The following SYMPK variants were observed in gnomAD, a reference collection of about 807,000 sequenced individuals.
The protein encoded by SYMPK is symplekin scaffold protein, also known as symplekin.
Under a neutral mutation model 136.4 loss-of-function variants are expected in SYMPK, and 49 were observed. That is an observed-to-expected ratio of 0.36 (90% CI 0.29 to 0.46). The LOEUF is 0.46. Ranked by LOEUF, SYMPK falls within the 20% of genes least tolerant of loss-of-function variation. The pLI is 1.00. For missense variants in SYMPK, 1,365 were observed against 1,690.0 expected (o/e 0.81, Z 3.37); for synonymous variants, 766 against 713.0 (o/e 1.07, Z -1.19).
Position 45,835,067 on chromosome 19 carries a change from G to A in SYMPK, c.1393+11C>T. 1.9e-6 allele frequency: 3 copies of A among 1,579,582 alleles called. No homozygotes were observed. Among genetic ancestry groups the A allele is most frequent in the Non-Finnish European group, 8.6e-7 (1 of 1,162,510 alleles). ...AATCCCTGGCCCAGGTTAGGGCCAG[G>A]ACACACTCACCTGGTCCCAGTCCGG... On this transcript the variant is annotated intron_variant, in intron 11 of 26. Coordinates refer to ENST00000245934, the MANE Select transcript of SYMPK (RefSeq NM_004819.3).
chr19:45,852,130 T>C (rs1030638912), intron 5 of SYMPK, among the ~76,000 whole-genome samples, 182 bp downstream of exon 5: 2 of 152,106 alleles, frequency 1.3e-5, no homozygotes, highest in South Asian at 4.1e-4. Flanking sequence ...AGCAGAGGAA[T>C]CACAGATGAC....
chr19:45,848,035 C>T, intron 6 of SYMPK, 34 bp from the exon 7 acceptor site: 1 of 1,548,736 alleles, frequency 6.5e-7, no homozygotes, highest in Non-Finnish European at 8.8e-7. Context: ...GGAAGAGACA[C>T]ACAAAGAGGT....
At chr19:45,829,293 G>T in intron 13 of SYMPK, 88 bp from the exon 14 acceptor site, 1 of 1,155,750 alleles carries the variant, frequency 8.7e-7, no homozygotes, top group Non-Finnish European at 1.3e-6. Flanking sequence ...CCACCCAGAC[G>T]CAGGAACTCT....
intron 9 of SYMPK, among the ~76,000 whole-genome samples, chr19:45,838,933 C>G (rs1252937758): frequency 6.6e-6 from 1 of 152,232 alleles, no homozygotes; most frequent in Non-Finnish European, 1.5e-5. Context: ...GTCACCGAGG[C>G]TGCAGTACAA....
chr19:45,827,370 C>G (rs1971066359), intron 16 of SYMPK, 140 bp downstream of exon 16: 1 of 644,042 alleles, frequency 1.6e-6, no homozygotes, highest in African/African-American at 1.8e-5. Flanking sequence ...ACAGAAATAG[C>G]CAAAAAACCA....
chr19:45,855,209 G>C (rs1971794109), intron 1 of SYMPK: 1 of 152,402 alleles, frequency 6.6e-6, no homozygotes, highest in Non-Finnish European at 1.5e-5. Context: ...CAGCTCTGAG[G>C]AATATCAGGC....
At chr19:45,823,705 G>C (rs886146709) in intron 19 of SYMPK, 62 bp downstream of exon 19, 7 of 1,468,782 alleles carry the variant, frequency 4.8e-6, no homozygotes, top group Non-Finnish European at 6.6e-6. Context: ...CAGATCCCCA[G>C]GGCCCGGGGA....
chr19:45,816,802 TG>T lies in SYMPK; in HGVS notation c.3253del (p.His1085ThrfsTer11), dbSNP rs749354800. On this transcript the variant is annotated frameshift_variant, in exon 24 of 27. Coordinates refer to ENST00000245934, the MANE Select transcript of SYMPK (RefSeq NM_004819.3). LOFTEE classifies it high-confidence loss of function. ...LLAHVRSFTP[H>X]QQAHIPNSIM... ...CCTGGTGGGGGGAAGGGGTACCTGGTGGGGGGTGAAGGAGCGGACATGGGCC... is the reference window on the plus strand; with the variant it reads ...CCTGGTGGGGGGAAGGGGTACCTGGTGGGGGTGAAGGAGCGGACATGGGCC... 2 of 1,528,466 alleles carry T rather than the reference TG, an allele frequency of 1.3e-6. No individual in the cohort carries two copies. Among genetic ancestry groups the T allele is most frequent in the Non-Finnish European group, 1.8e-6 (2 of 1,136,920 alleles). The allele number at this position is 1,528,466 out of a possible 1,614,324, so 94.7% of individuals were successfully genotyped here.
chr19:45,840,410 T>C (rs1971407764), intron 9 of SYMPK, among the ~76,000 whole-genome samples: 1 of 147,776 alleles, frequency 6.8e-6, no homozygotes, highest in South Asian at 2.2e-4. Context: ...ACGCCTGTAA[T>C]CTCAACACTT....
At chr19:45,819,000 T>TA (rs1352559646) in intron 22 of SYMPK, 2 of 49,514 alleles carry the variant, frequency 4.0e-5, no homozygotes, top group Non-Finnish European at 1.0e-4. Flanking sequence ...GTGGGGTCTC[T>TA]AAGGGGGGGG....
chr19:45,823,585 C>T (rs947380687), intron 19 of SYMPK, 113 bp from the exon 20 acceptor site: 2 of 1,086,406 alleles, frequency 1.8e-6, no homozygotes, highest in Non-Finnish European at 2.8e-6. Context: ...GCAACTTCAC[C>T]CTTGGCTGCT....
chr19:45,822,824 G>A lies in SYMPK; in HGVS notation c.2723C>T (p.Pro908Leu). 1 of 1,614,064 alleles carries A rather than the reference G, an allele frequency of 6.2e-7. No individual in the cohort carries two copies. Among genetic ancestry groups the A allele is most frequent in the South Asian group, 1.1e-5 (1 of 91,080 alleles). Residue 908 changes from proline (P) to leucine (L), a missense_variant, in exon 21 of 27, where the codon CCT (proline) becomes CTT (leucine). Physicochemically the swap from Pro to Leu is moderately conservative, Grantham distance 98. Coordinates refer to ENST00000245934, the MANE Select transcript of SYMPK (RefSeq NM_004819.3). The stretch of plus-strand genomic sequence containing the variant: ...GATGGGGTTGAGTTTGATGAGTTTA[G>A]GCAGGGCCTGGATCACCTCTTTCTA... The part of the protein sequence containing the change: ...LEKKEVIQAL[P>L]KLIKLNPIVV...
rs1051366394 is a variant in SYMPK at position 45,821,794 on chromosome 19, C to T, written c.2792-309G>A. Among the ~76,000 whole-genome samples the T allele has an allele frequency of 3.9e-5, 6 of 152,182 alleles. No individual in the cohort carries two copies. Among genetic ancestry groups the T allele is most frequent in the Non-Finnish European group, 8.8e-5 (6 of 68,016 alleles). On this transcript the variant is annotated intron_variant, in intron 21 of 26. Coordinates refer to ENST00000245934, the MANE Select transcript of SYMPK (RefSeq NM_004819.3). The surrounding 1 kb of genome is among the most constrained non-coding windows in gnomAD (Gnocchi z 4.4). Reference sequence around the variant, plus strand: ...CCCGAGGGCAGGGTAGGACCACCTCCTCGTGTGGTCCCCAACACAGACTCC... The same window carrying T: ...CCCGAGGGCAGGGTAGGACCACCTCTTCGTGTGGTCCCCAACACAGACTCC...
Position 45,847,833 on chromosome 19 carries a change from C to T in SYMPK, c.595G>A (p.Ala199Thr). Residue 199 changes from alanine to threonine, a missense_variant, in exon 7 of 27, where the codon GCT becomes ACT. This residue lies in a region of SYMPK where 237 missense variants were observed against 292.9 expected (regional missense o/e 0.81). Coordinates refer to ENST00000245934, the MANE Select transcript of SYMPK (RefSeq NM_004819.3). ...TGGCGTCGGGGTATCTCTGAGTCAG[C>T]CATGCGGGGTGACAGGGTGACAATG... is the stretch of plus-strand genomic sequence containing the variant. Reference protein sequence around the residue: ...GLIVTLSPRMADSEIPRRQEH... With the variant: ...GLIVTLSPRMTDSEIPRRQEH... The T allele has an allele frequency of 6.2e-7, 1 of 1,614,030 alleles. No homozygotes were observed.
chr19:45,857,414 A>C (rs150579818), intron 1 of SYMPK, among the ~76,000 whole-genome samples: 18,182 of 143,958 alleles, frequency 0.13, 1,294 homozygotes, highest in Admixed American at 0.16. Flanking sequence ...TGTCTCAAAA[A>C]AAAAAAAAAA....
In SYMPK at chr19:45,829,071, G is replaced by A. The variant is rs756221928; in HGVS notation, c.1884C>T (p.Asn628=). 6.5e-5 allele frequency: 105 copies of A among 1,614,072 alleles called. No homozygotes were observed. The highest frequency in any genetic ancestry group is 8.5e-5 in the Non-Finnish European group (100 of 1,180,042). ...LAFAWLYQEY[N]AYLAAGASGS... Reference sequence around the variant, plus strand: ...CCGAGGCACCTGCGGCCAGGTAGGCGTTGTACTCCTGGTAGAGCCAGGCGA... The same window carrying A: ...CCGAGGCACCTGCGGCCAGGTAGGCATTGTACTCCTGGTAGAGCCAGGCGA... Residue 628 remains asparagine, a synonymous_variant, in exon 14 of 27, where the codon AAC becomes AAT. Coordinates refer to ENST00000245934, the MANE Select transcript of SYMPK (RefSeq NM_004819.3).
chr19:45,852,469 G>C lies in SYMPK; in HGVS notation c.225+13C>G. Reference sequence around the variant, plus strand: ...CCTACACCACACCCCTTTCTCTTCTGTCAGTCACTCACATCCAGGAAGTTG... The same window carrying C: ...CCTACACCACACCCCTTTCTCTTCTCTCAGTCACTCACATCCAGGAAGTTG... On this transcript the variant is annotated intron_variant, in intron 4 of 26. Coordinates refer to ENST00000245934, the MANE Select transcript of SYMPK (RefSeq NM_004819.3). 6.2e-7 allele frequency: 1 copy of C among 1,614,182 alleles called. No individual in the cohort carries two copies. Among genetic ancestry groups the C allele is most frequent in the Non-Finnish European group, 8.5e-7 (1 of 1,180,028 alleles).
chr19:45,816,348 T>G, intron 25 of SYMPK, 134 bp downstream of exon 25: 1 of 1,302,028 alleles, frequency 7.7e-7, no homozygotes, highest in South Asian at 1.5e-5. Flanking sequence ...GAGCATCCCC[T>G]GGGAGACGGG....
At chr19:45,860,149 T>C (rs902966888) in intron 1 of SYMPK, among the ~76,000 whole-genome samples, 1 of 145,360 alleles carries the variant, frequency 6.9e-6, no homozygotes, top group African/African-American at 2.6e-5. Flanking sequence ...AAAGAAAAAA[T>C]AATCAGTTAA....
Sources: gnomAD v4.1 joint callset for allele counts (sites outside exome capture counted in the v4.1 genomes callset) on GRCh38, gnomAD v4.1.1 for gene constraint, gnomAD v4.1.1 regional missense constraint, Gnocchi (gnomAD v3.1) non-coding constraint, MANE v1.5 for transcripts, NCBI Gene and HGNC (gene_info 2026-07-23, HGNC 2026-07-21) for gene names.